TLCD3B: variants seen among roughly 807,000 people sequenced by gnomAD.
The protein encoded by TLCD3B is TLC domain containing 3B, also known as ceramide synthase.
In TLCD3B, 9 loss-of-function variants were observed where a neutral mutation model predicts 23.0. The ratio of observed to expected loss-of-function variants is 0.39; its 90% confidence interval spans 0.24 to 0.68. The LOEUF is 0.68. Among genes scored for constraint, TLCD3B ranks in the 30% least tolerant of loss-of-function variants. The pLI, the probability that TLCD3B is intolerant of heterozygous loss-of-function variation, is 0.44. For missense variants in TLCD3B, 307 were observed against 371.8 expected, an observed-to-expected ratio of 0.83 and a Z score of 1.43; for synonymous variants, 161 against 161.0, an observed-to-expected ratio of 1.00 and a Z score of 0.00.
chr16:30,026,907 G>T, intron 2 of TLCD3B, 64 bp from the exon 3 acceptor site: 2 of 1,381,900 alleles, frequency 1.4e-6, no homozygotes, highest in East Asian at 2.3e-5. Flanking sequence ...ATTGGGGTCA[G>T]ATCTCAGGGG....
Position 30,029,105 on chromosome 16 carries a change from G to A in TLCD3B, c.209+327C>T, listed in dbSNP as rs1005545203. On this transcript the variant is annotated intron_variant, in intron 2 of 4. Coordinates refer to ENST00000380495, the MANE Select transcript of TLCD3B (RefSeq NM_031478.6). The surrounding 1 kb of genome is among the most constrained non-coding windows in gnomAD (Gnocchi z 4.6). ...GGGGCACCCCATCTGGGTGCTGGCT[G>A]GAAATGGGGTCTGCCTCCTGGGGTG... 2.0e-5 allele frequency among the ~76,000 whole-genome samples: 3 copies of A among 152,198 alleles called. No individual in the cohort carries two copies. The highest frequency in any genetic ancestry group is 1.5e-5 in the Non-Finnish European group (1 of 68,026).
At chr16:30,036,374 A>T in intron 3 of TLCD3B, 1 of 1,287,204 alleles carries the variant, frequency 7.8e-7, no homozygotes, top group Non-Finnish European at 1.0e-6. Flanking sequence ...TTACATAGAT[A>T]TCATTTTTGT....
chr16:30,027,788 G>A, intron 2 of TLCD3B: 1 of 402,580 alleles, frequency 2.5e-6, no homozygotes, highest in Admixed American at 2.7e-5. Flanking sequence ...CTGGGGTGGG[G>A]GCAGGAGGTC....
At chr16:30,036,788 T>TAAG (rs1364196677) in intron 3 of TLCD3B, among the ~76,000 whole-genome samples, 1 of 151,914 alleles carries the variant, frequency 6.6e-6, no homozygotes, top group Non-Finnish European at 1.5e-5. Flanking sequence ...AGAGGGGAAA[T>TAAG]AAGAGCAGGT....
chr16:30,032,419 G>A (rs558775835), upstream of TLCD3B, among the ~76,000 whole-genome samples: 1 of 152,206 alleles, frequency 6.6e-6, no homozygotes, highest in African/African-American at 2.4e-5. Flanking sequence ...GCCCTCTAGC[G>A]GCAATCTGTA....
At chr16:30,030,281 C>G (rs1292641825) in intron 1 of TLCD3B, 122 bp downstream of exon 1, 1 of 1,198,744 alleles carries the variant, frequency 8.3e-7, no homozygotes, top group Non-Finnish European at 1.2e-6. Context: ...GGGTAAAGCC[C>G]CGGACCCCCA....
chr16:30,032,168 C>G (rs964091155), upstream of TLCD3B, among the ~76,000 whole-genome samples: 1 of 152,142 alleles, frequency 6.6e-6, no homozygotes, highest in Non-Finnish European at 1.5e-5. Flanking sequence ...AAAGTGAGGC[C>G]TGGGGACTGG....
chr16:30,025,376 A>G lies in TLCD3B; in HGVS notation c.632T>C (p.Leu211Pro). The G allele has an allele frequency of 6.2e-7, 1 of 1,608,114 alleles. No individual in the cohort carries two copies. Among genetic ancestry groups the G allele is most frequent in the Non-Finnish European group, 8.5e-7 (1 of 1,177,438 alleles). Reference protein sequence around the residue: ...LCCRVLLFPYLYWAYGRHAGL... With the variant: ...LCCRVLLFPYPYWAYGRHAGL... ...GGCATGGCGCCCGTAGGCCCAGTACAGGTAGGGAAAGAGCAGCACCCGGCA... is the reference window on the plus strand; with the variant it reads ...GGCATGGCGCCCGTAGGCCCAGTACGGGTAGGGAAAGAGCAGCACCCGGCA... Residue 211 changes from leucine to proline, a missense_variant, in exon 5 of 5, where the codon CTG (leucine) becomes CCG (proline). Leu to Pro is a moderately conservative substitution (Grantham distance 98). Transcript: ENST00000380495. The surrounding 1 kb of genome is among the most constrained non-coding windows in gnomAD (Gnocchi z 4.1).
upstream of TLCD3B, among the ~76,000 whole-genome samples, chr16:30,034,604 G>A (rs550668802): frequency 4.1e-4 from 62 of 151,908 alleles, no homozygotes; most frequent in Non-Finnish European, 7.9e-4. Flanking sequence ...TCATAACTCC[G>A]AAAATATTGG....
chr16:30,030,524 G>A lies in TLCD3B; in HGVS notation c.4C>T (p.Leu2=), dbSNP rs369383290. 1.9e-6 allele frequency: 3 copies of A among 1,579,238 alleles called. No homozygotes were observed. The highest frequency in any genetic ancestry group is 1.7e-6 in the Non-Finnish European group (2 of 1,167,038). The change falls in exon 1 of 5, where the codon CTG becomes TTG. Residue 2 remains leucine (L), a synonymous_variant. Coordinates refer to ENST00000380495, the MANE Select transcript of TLCD3B (RefSeq NM_031478.6). M[L]TPMVAGGVVF... is the part of the protein sequence containing the mutation. ...ACCCCCCCGGCCACCATCGGGGTCA[G>A]CATGGTGGCTCAGGACTTGGGCAGG...
Position 30,030,787 on chromosome 16 carries a change from T to A in TLCD3B, c.-260A>T. 1 of 1,029,134 alleles carries A rather than the reference T, an allele frequency of 9.7e-7. No homozygotes were observed. Among genetic ancestry groups the A allele is most frequent in the Non-Finnish European group, 1.1e-6 (1 of 875,118 alleles). The allele number at this position is 1,029,134 out of a possible 1,614,324, so 63.8% of individuals were successfully genotyped here. A position where few individuals can be genotyped will look rare whatever the true frequency, so the allele number is the denominator to read the frequency against. On this transcript the variant is annotated 5_prime_UTR_variant, in exon 1 of 5. Coordinates refer to ENST00000380495, the MANE Select transcript of TLCD3B (RefSeq NM_031478.6). ...GGAGCAGGAGCAGGCCAGCGAGGGA[T>A]GGGGAGAGGCAAAGAGGGGATGGCT...
upstream of TLCD3B, chr16:30,033,673 G>C (rs1170983336): frequency 6.6e-6 from 1 of 152,192 alleles, no homozygotes; most frequent in Non-Finnish European, 1.5e-5. Context: ...TCAAGAATTG[G>C]AAGAGGTTGG....
chr16:30,031,794 G>A (rs558146644), upstream of TLCD3B, among the ~76,000 whole-genome samples: 41 of 152,320 alleles, frequency 2.7e-4, no homozygotes, highest in Admixed American at 1.2e-3. Flanking sequence ...CGAGGTCACT[G>A]CGTCTGTCCT....
In TLCD3B at chr16:30,030,506, C is replaced by T; in HGVS notation, c.22G>A (p.Gly8Arg). MLTPMVAGGVVFPGLFLL... is the reference protein window; with the variant it reads MLTPMVARGVVFPGLFLL... ...AAGAGTCCGGGGAACACCACCCCCCCGGCCACCATCGGGGTCAGCATGGTG... is the reference window on the plus strand; with the variant it reads ...AAGAGTCCGGGGAACACCACCCCCCTGGCCACCATCGGGGTCAGCATGGTG... The change falls in exon 1 of 5, where the codon GGG (glycine) becomes AGG (arginine). Residue 8 changes from glycine (G) to arginine (R), a missense_variant. By Grantham distance (125) the Gly-to-Arg change is moderately radical. Transcript: ENST00000380495. 6 of 1,590,766 alleles carry T rather than the reference C, an allele frequency of 3.8e-6. No homozygotes were observed. The highest frequency in any genetic ancestry group is 2.3e-5 in the East Asian group (1 of 44,060).
chr16:30,052,091 G>A (rs530821993), intron 1 of TLCD3B, among the ~76,000 whole-genome samples: 1 of 152,274 alleles, frequency 6.6e-6, no homozygotes, highest in East Asian at 1.9e-4. Flanking sequence ...AAAAGGCTGG[G>A]CACAGTGGCT....
Position 30,048,167 on chromosome 16 carries a change from C to A in TLCD3B, c.-293-1780G>T, listed in dbSNP as rs143576063. 4.4e-3 allele frequency among the ~76,000 whole-genome samples: 665 copies of A among 151,470 alleles called. 6 individuals are homozygous for A. Among genetic ancestry groups the A allele is most frequent in the African/African-American group, 0.015 (616 of 41,370 alleles). On this transcript the variant is annotated intron_variant, in intron 1 of 6. Transcript: ENST00000561666. ...CCAAAAGAAAAAAAAAAAACCACCA[C>A]CAACAACAACAAACAAAAAAACTCC...
chr16:30,025,292 G>C lies in TLCD3B; in HGVS notation c.716C>G (p.Ala239Gly), dbSNP rs532333734. ...GTAGAGCTGAGGGGCCAGGAGCAGC[G>C]CAGCGCCCAGGTTGACGTGGGCAGG... ...AIPAHVNLGA[A>G]LLLAPQLYWF... Residue 239 changes from alanine (A) to glycine (G), a missense_variant, in exon 5 of 5, where the codon GCG (alanine) becomes GGG (glycine). By Grantham distance (60) the Ala-to-Gly change is moderately conservative (BLOSUM62 0). Coordinates refer to ENST00000380495, the MANE Select transcript of TLCD3B (RefSeq NM_031478.6). This position sits in a 1 kb window ranked among gnomAD's most constrained non-coding sequence, Gnocchi z 4.1. The C allele has an allele frequency of 1.5e-5, 24 of 1,552,644 alleles. No homozygotes were observed. Among genetic ancestry groups the C allele is most frequent in the Non-Finnish European group, 1.9e-5 (22 of 1,148,262 alleles).
chr16:30,041,100 T>G (rs2071573323), exon 3 of TLCD3B: 1 of 152,188 alleles, frequency 6.6e-6, no homozygotes, highest in African/African-American at 2.4e-5. Context: ...ATTTCTTCCT[T>G]TCCTTGTCGA....
intron 3 of TLCD3B, 114 bp downstream of exon 3, chr16:30,026,494 TG>T: frequency 1.2e-6 from 1 of 864,870 alleles, no homozygotes; most frequent in Non-Finnish European, 1.8e-6. Context: ...GGGAATACGC[TG>T]GGTCTGCTTG....
Sources: allele counts gnomAD v4.1 joint callset (sites outside exome capture counted in the v4.1 genomes callset), GRCh38; gene constraint gnomAD v4.1.1; non-coding constraint Gnocchi (gnomAD v3.1); transcripts MANE v1.5; gene names NCBI Gene and HGNC (gene_info 2026-07-23, HGNC 2026-07-21).